The following VPS26B variants were observed in gnomAD, a reference collection of about 807,000 sequenced individuals.
VPS26B encodes the protein vacuolar protein sorting-associated protein 26B.
A neutral mutation model predicts 33.3 loss-of-function variants in VPS26B; 10 were observed. The ratio of observed to expected loss-of-function variants is 0.30; its 90% CI spans 0.19 to 0.51. The LOEUF is 0.51. Among genes scored for constraint, VPS26B ranks in the 20% least tolerant of loss-of-function variants. VPS26B has a pLI of 0.98. For synonymous variants in VPS26B, 190 were observed against 176.9 expected (o/e 1.07, Z -0.59); for missense variants, 317 against 452.7 (o/e 0.70, Z 2.72).
chr11:134,242,501 T>G (rs969016187), intron 3 of VPS26B, among the ~76,000 whole-genome samples: 11 of 152,216 alleles, frequency 7.2e-5, no homozygotes. Context: ...GCTGTGCACA[T>G]GTAGACTATT....
chr11:134,233,082 T>C (rs1169075357), intron 1 of VPS26B, among the ~76,000 whole-genome samples: 2 of 152,302 alleles, frequency 1.3e-5, no homozygotes, highest in East Asian at 3.9e-4. Flanking sequence ...CTGCCTACTA[T>C]TGAAACCACT....
In VPS26B at chr11:134,246,600, CCT is replaced by C. The variant is rs1938828221; in HGVS notation, c.*1014_*1015del. ...TTACTAATGCCCAAGCCCCTTTACCCCTCTCCCTATAGGTTACACAGGGGAGA... is the reference window on the plus strand; with the variant it reads ...TTACTAATGCCCAAGCCCCTTTACCCCTCCCTATAGGTTACACAGGGGAGA... On this transcript the variant is annotated 3_prime_UTR_variant, in exon 6 of 6. Coordinates refer to ENST00000281187, the MANE Select transcript of VPS26B (RefSeq NM_052875.5). 1 of 152,360 alleles carries C rather than the reference CCT, an allele frequency of 6.6e-6. No homozygotes were observed. Among genetic ancestry groups the C allele is most frequent in the African/African-American group, 2.4e-5 (1 of 41,342 alleles). 9.4% of individuals were successfully genotyped at this position (152,360 alleles called of 1,614,324 possible). A position where few individuals can be genotyped will look rare whatever the true frequency, so the allele number is the denominator to read the frequency against.
chr11:134,234,855 G>A (rs745456821), intron 1 of VPS26B, 42 bp from the exon 2 acceptor site: 3 of 1,601,100 alleles, frequency 1.9e-6, no homozygotes, highest in Non-Finnish European at 2.6e-6. Context: ...GTGTAGCTCA[G>A]GGTCTGATAA....
In VPS26B at chr11:134,244,733, G is replaced by A. The variant is rs190583825; in HGVS notation, c.722-205G>A. ...CTCTGTTTTCGAGAAGACATGAGAAGCTGCAACATGACCTGGAGTGGAACT... is the reference window on the plus strand; with the variant it reads ...CTCTGTTTTCGAGAAGACATGAGAAACTGCAACATGACCTGGAGTGGAACT... On this transcript the variant is annotated intron_variant, in intron 4 of 5. Transcript: ENST00000281187. This position sits in a 1 kb window ranked among gnomAD's most constrained non-coding sequence, Gnocchi z 4.0. 204 of 579,768 alleles carry A rather than the reference G, an allele frequency of 3.5e-4. No homozygotes were observed. Among genetic ancestry groups the A allele is most frequent in the African/African-American group, 3.5e-3 (185 of 53,248 alleles). The allele number at this position is 579,768 out of a possible 1,614,324, so 35.9% of individuals were successfully genotyped here.
chr11:134,233,569 A>G (rs192987758), intron 1 of VPS26B, among the ~76,000 whole-genome samples: 1 of 152,300 alleles, frequency 6.6e-6, no homozygotes, highest in Non-Finnish European at 1.5e-5. Context: ...TAAAAATACA[A>G]AAACAATTAG....
Position 134,246,765 on chromosome 11 carries a change from G to A in VPS26B, c.*1175G>A, listed in dbSNP as rs907069431. 7.9e-5 allele frequency: 12 copies of A among 152,302 alleles called. No homozygotes were observed. Among genetic ancestry groups the A allele is most frequent in the Admixed American group, 4.6e-4 (7 of 15,252 alleles). The allele number at this position is 152,302 out of a possible 1,614,324, so 9.4% of individuals were successfully genotyped here. On this transcript the variant is annotated 3_prime_UTR_variant, in exon 6 of 6. Coordinates refer to ENST00000281187, the MANE Select transcript of VPS26B (RefSeq NM_052875.5). ...AAAAAACACATATAAAAAAACTCTT[G>A]TGAATATTCTTGTTATGCTAGAGAG...
intron 2 of VPS26B, among the ~76,000 whole-genome samples, chr11:134,238,335 G>A (rs1241202992): frequency 6.6e-6 from 1 of 152,142 alleles, no homozygotes; most frequent in African/African-American, 2.4e-5. Flanking sequence ...GCAGAGGAAG[G>A]AGCACATTGT....
chr11:134,237,086 T>C (rs2136050077), intron 2 of VPS26B, among the ~76,000 whole-genome samples: 1 of 152,334 alleles, frequency 6.6e-6, no homozygotes, highest in South Asian at 2.1e-4. Context: ...AGTTTAAAGA[T>C]GTAACTTCCA....
chr11:134,234,236 G>C (rs1019727798), intron 1 of VPS26B, among the ~76,000 whole-genome samples: 1 of 152,198 alleles, frequency 6.6e-6, no homozygotes, highest in Non-Finnish European at 1.5e-5. Flanking sequence ...AGCTACTAAC[G>C]ATGTTTTTGA....
rs1938774028 is a variant in VPS26B at position 134,244,120 on chromosome 11, C to T, written c.722-818C>T. Reference sequence around the variant, plus strand: ...GCCCTTGGAGGGTTGGGACCAAGCTCTCCTGACACTCTCTGATGTCCCATT... The same window carrying T: ...GCCCTTGGAGGGTTGGGACCAAGCTTTCCTGACACTCTCTGATGTCCCATT... On this transcript the variant is annotated intron_variant, in intron 4 of 5. Coordinates refer to ENST00000281187, the MANE Select transcript of VPS26B (RefSeq NM_052875.5). The surrounding 1 kb of genome is among the most constrained non-coding windows in gnomAD (Gnocchi z 4.0). 6.6e-6 allele frequency: 1 copy of T among 152,190 alleles called. No individual in the cohort carries two copies. The highest frequency in any genetic ancestry group is 1.5e-5 in the Non-Finnish European group (1 of 68,052). The allele number at this position is 152,190 out of a possible 1,614,324, so 9.4% of individuals were successfully genotyped here.
At chr11:134,233,674 G>A (rs1938590295) in intron 1 of VPS26B, among the ~76,000 whole-genome samples, 1 of 151,990 alleles carries the variant, frequency 6.6e-6, no homozygotes, top group Non-Finnish European at 1.5e-5. Flanking sequence ...GCAGTGAGTC[G>A]AGATCACACT....
intron 2 of VPS26B, chr11:134,236,675 TA>T (rs1938637230): frequency 6.6e-6 from 1 of 152,194 alleles, no homozygotes; most frequent in African/African-American, 2.4e-5. Context: ...TGGGTGAACC[TA>T]AAGGACATTG....
At chr11:134,234,804 A>G in intron 1 of VPS26B, 93 bp from the exon 2 acceptor site, 1 of 1,488,302 alleles carries the variant, frequency 6.7e-7, no homozygotes, top group Non-Finnish European at 9.1e-7. Context: ...TCCAGAAAGC[A>G]GTCCCTCCAG....
chr11:134,230,942 A>T (rs1274282386), intron 1 of VPS26B, among the ~76,000 whole-genome samples: 1 of 152,194 alleles, frequency 6.6e-6, no homozygotes, highest in Non-Finnish European at 1.5e-5. Context: ...GGTCAGGCCC[A>T]TGGGACAGAA....
At chr11:134,241,815 C>G (rs1212931917) in intron 3 of VPS26B, among the ~76,000 whole-genome samples, 2 of 152,244 alleles carry the variant, frequency 1.3e-5, no homozygotes, top group Admixed American at 1.3e-4. Context: ...GACTTGGAAC[C>G]AGGTCCTGCT....
intron 1 of VPS26B, chr11:134,225,572 G>A (rs1938440251): frequency 1.3e-5 from 7 of 553,624 alleles, no homozygotes; most frequent in Middle Eastern, 2.8e-4. Flanking sequence ...CGGCGAGGGC[G>A]GGAGGAAGCG....
At position 134,224,826 on chromosome 11, in the gene VPS26B, C is replaced by T. The variant is rs979712389; in HGVS notation, c.-297C>T. ...ATTGCACGGCCGACCCTCGCCCGCC[C>T]ACTGCCACCGGCCGCGGGACTGGCT... On this transcript the variant is annotated 5_prime_UTR_variant, in exon 1 of 6. Coordinates refer to ENST00000281187, the MANE Select transcript of VPS26B (RefSeq NM_052875.5). The T allele has an allele frequency of 6.4e-6, 1 of 157,272 alleles. No individual in the cohort carries two copies. The highest frequency in any genetic ancestry group is 1.4e-5 in the Non-Finnish European group (1 of 71,656). The allele number at this position is 157,272 out of a possible 1,614,324, so 9.7% of individuals were successfully genotyped here. A position where few individuals can be genotyped will look rare whatever the true frequency, so the allele number is the denominator to read the frequency against.
intron 1 of VPS26B, among the ~76,000 whole-genome samples, chr11:134,231,692 G>A (rs2136046871): frequency 6.6e-6 from 1 of 152,210 alleles, no homozygotes; most frequent in South Asian, 2.1e-4. Flanking sequence ...AGCCTCCCGA[G>A]TAGCTGGGAT....
At position 134,240,658 on chromosome 11, in the gene VPS26B, C is replaced by T. The variant is rs764357999; in HGVS notation, c.545+503C>T. Among the ~76,000 whole-genome samples the T allele has an allele frequency of 1.6e-4, 25 of 152,046 alleles. No individual in the cohort carries two copies. The highest frequency in any genetic ancestry group is 3.9e-4 in the Admixed American group (6 of 15,260). ...TTTTTTTCAAGATGGGGTACAGTGG[C>T]CCAGTCATGGCTTACTACAGCCTTG... On this transcript the variant is annotated intron_variant, in intron 3 of 5. Coordinates refer to ENST00000281187, the MANE Select transcript of VPS26B (RefSeq NM_052875.5). The surrounding 1 kb of genome is among the most constrained non-coding windows in gnomAD (Gnocchi z 4.4).
Sources: allele counts gnomAD v4.1 joint callset (sites outside exome capture counted in the v4.1 genomes callset), GRCh38; gene constraint gnomAD v4.1.1; non-coding constraint Gnocchi (gnomAD v3.1); transcripts MANE v1.5; gene names NCBI Gene and HGNC (gene_info 2026-07-23, HGNC 2026-07-21).